The following EYS variants were observed in gnomAD, a reference collection of about 807,000 sequenced individuals.
The protein encoded by EYS is EGF-like photoreceptor maintenance factor, also known as protein eyes shut homolog.
EYS carries 250 observed loss-of-function variants against 282.1 expected under a neutral mutation model. The observed-to-expected ratio is 0.89, with a 90% confidence interval of 0.80 to 0.98. The LOEUF (loss-of-function observed/expected upper bound fraction) is 0.98. Ranked by LOEUF, EYS falls within the 50% of genes least tolerant of loss-of-function variation. EYS has a pLI of 0.00. For synonymous variants in EYS, 1,355 were observed against 1,282.9 expected, an observed-to-expected ratio of 1.06 and a Z score of -1.20; for missense variants, 4,016 against 3,709.0, an observed-to-expected ratio of 1.08 and a Z score of -2.15.
intron 26 of EYS, among the ~76,000 whole-genome samples, chr6:64,457,590 C>T (rs1775596270): frequency 6.6e-6 from 1 of 152,060 alleles, no homozygotes; most frequent in Admixed American, 6.5e-5. Flanking sequence ...GAATTGACCA[C>T]TTTATCATAC....
chr6:63,965,168 T>C (rs1365126859), intron 35 of EYS, among the ~76,000 whole-genome samples: 1 of 152,200 alleles, frequency 6.6e-6, no homozygotes, highest in Non-Finnish European at 1.5e-5. Flanking sequence ...GGCCTTTCTA[T>C]TTTTGTATTT....
In EYS at chr6:64,714,625, A is replaced by G. The variant is rs529791198; in HGVS notation, c.3444-88380T>C. Among the ~76,000 whole-genome samples, 308 of 148,680 alleles carry G rather than the reference A, an allele frequency of 2.1e-3. 1 individual carries two copies. Among genetic ancestry groups the G allele is most frequent in the Admixed American group, 3.8e-3 (56 of 14,748 alleles). On this transcript the variant is annotated intron_variant, in intron 22 of 42. Transcript: ENST00000503581. ...ACTGCAAGCTCCGCCTCCCGGGTTC[A>G]CACCACTCTCCTGCCTCAGCCTCTG...
At chr6:64,767,981 C>A (rs1321534791) in intron 22 of EYS, among the ~76,000 whole-genome samples, 1 of 152,064 alleles carries the variant, frequency 6.6e-6, no homozygotes, top group African/African-American at 2.4e-5. Context: ...GCCACGCTAA[C>A]TGGGGTGAGA....
intron 22 of EYS, among the ~76,000 whole-genome samples, chr6:64,715,875 G>A (rs533656666): frequency 6.6e-6 from 1 of 152,176 alleles, no homozygotes; most frequent in Non-Finnish European, 1.5e-5. Flanking sequence ...AGCAAGTTTT[G>A]TCACCCATTC....
intron 13 of EYS, among the ~76,000 whole-genome samples, chr6:65,025,938 G>C (rs1772395676): frequency 6.6e-6 from 1 of 152,106 alleles, no homozygotes; most frequent in Non-Finnish European, 1.5e-5. Context: ...ACTCATACAA[G>C]AGCTTATTTT....
chr6:64,982,294 G>T (rs1046922655), intron 14 of EYS, among the ~76,000 whole-genome samples: 2 of 151,248 alleles, frequency 1.3e-5, no homozygotes, highest in African/African-American at 4.8e-5. Flanking sequence ...AAGAAAAAAA[G>T]GGAAGACAAA....
chr6:64,884,984 T>C (rs73767152), intron 19 of EYS, among the ~76,000 whole-genome samples: 23,414 of 151,484 alleles, frequency 0.15, 2,144 homozygotes, highest in East Asian at 0.49. Context: ...ACTCTTTTCC[T>C]TTGACTCAAG....
At chr6:65,598,247 CCA>C (rs1491332270) in intron 2 of EYS, among the ~76,000 whole-genome samples, 2,644 of 83,664 alleles carry the variant, frequency 0.032, 282 homozygotes, top group Non-Finnish European at 0.039. Flanking sequence ...CACCCCCCCC[CCA>C]AAAAAAAAAA....
intron 31 of EYS, among the ~76,000 whole-genome samples, chr6:64,212,015 C>T (rs957974884): frequency 3.9e-5 from 6 of 151,936 alleles, no homozygotes; most frequent in Admixed American, 3.3e-4. Context: ...ACTCAGGAGG[C>T]TGAGGCAGGA....
intron 31 of EYS, among the ~76,000 whole-genome samples, chr6:64,087,023 A>G (rs1772178308): frequency 6.6e-6 from 1 of 152,190 alleles, no homozygotes; most frequent in Admixed American, 6.5e-5. Flanking sequence ...CACTAGGAGA[A>G]GTTTGGATAT....
At chr6:64,946,032 A>G (rs1379727066) in intron 14 of EYS, 118 bp from the exon 15 acceptor site, 2 of 792,808 alleles carry the variant, frequency 2.5e-6, no homozygotes, top group African/African-American at 3.5e-5. Flanking sequence ...TTAGTTTTAT[A>G]GAATGCCAAT....
At chr6:63,931,194 C>T (rs1241865484) in intron 35 of EYS, among the ~76,000 whole-genome samples, 2 of 152,158 alleles carry the variant, frequency 1.3e-5, no homozygotes, top group African/African-American at 4.8e-5. Flanking sequence ...TCTGTTATCC[C>T]AGGTGGCTTA....
At chr6:65,344,247 A>G in intron 9 of EYS, 70 bp from the exon 10 acceptor site, 4 of 1,259,758 alleles carry the variant, frequency 3.2e-6, no homozygotes, top group Non-Finnish European at 4.6e-6. Flanking sequence ...ATTATTAAGG[A>G]CTGTGGTCAA....
At chr6:64,886,337 T>G (rs1420259605) in intron 19 of EYS, among the ~76,000 whole-genome samples, 2 of 151,998 alleles carry the variant, frequency 1.3e-5, no homozygotes, top group African/African-American at 4.8e-5. Flanking sequence ...TTTTTAATGC[T>G]AAGCATATTC....
At chr6:64,676,351 T>TAGAGAGAG (rs763594847) in intron 22 of EYS, among the ~76,000 whole-genome samples, 56 of 145,464 alleles carry the variant, frequency 3.8e-4, no homozygotes, top group Non-Finnish European at 6.6e-4. Flanking sequence ...TATATATATA[T>TAGAGAGAG]AGAGAGAGAG....
chr6:65,480,323 G>A (rs1187521626), intron 5 of EYS, among the ~76,000 whole-genome samples: 1 of 152,034 alleles, frequency 6.6e-6, no homozygotes, highest in East Asian at 1.9e-4. Context: ...GGCAGAGTGA[G>A]TGAGCCATAT....
At chr6:65,676,131 A>T (rs943373570) in intron 1 of EYS, among the ~76,000 whole-genome samples, 1 of 151,900 alleles carries the variant, frequency 6.6e-6, no homozygotes, top group African/African-American at 2.4e-5. Context: ...TTATAAAGAA[A>T]AGGTATCTCA....
At chr6:64,259,856 A>G (rs1582499122) in intron 30 of EYS, among the ~76,000 whole-genome samples, 2 of 14,828 alleles carry the variant, frequency 1.3e-4, no homozygotes, top group Admixed American at 1.2e-3. Context: ...TATCAAAAAC[A>G]AAACTTATTT....
rs1384829734 is a variant in EYS at position 64,977,215 on chromosome 6, CAT to C, written c.2259+20365_2259+20366del. Among the ~76,000 whole-genome samples the C allele has an allele frequency of 6.6e-5, 10 of 151,854 alleles. 1 individual carries two copies. Among genetic ancestry groups the C allele is most frequent in the Middle Eastern group, 3.2e-3 (1 of 316 alleles). On this transcript the variant is annotated intron_variant, in intron 14 of 42. Coordinates refer to ENST00000503581, the MANE Select transcript of EYS (RefSeq NM_001142800.2). ...GCCTTATCAGTGCCATTTTTTCTAA[CAT>C]GTGCATACTTCATTTCTCTGTGATA... is the stretch of plus-strand genomic sequence containing the variant.
Sources: allele counts gnomAD v4.1 joint callset (sites outside exome capture counted in the v4.1 genomes callset), GRCh38; gene constraint gnomAD v4.1.1; transcripts MANE v1.5; gene names NCBI Gene and HGNC (gene_info 2026-07-23, HGNC 2026-07-21).